COX7B2: variants seen among roughly 807,000 people sequenced by gnomAD.
COX7B2 encodes cytochrome c oxidase subunit 7B2, mitochondrial.
For missense variants in COX7B2, 109 were observed against 95.9 expected, an observed-to-expected ratio of 1.14 and a Z score of -0.57; for synonymous variants, 37 against 32.1, an observed-to-expected ratio of 1.15 and a Z score of -0.51.
chr4:46,766,915 A>G (rs796141755), intron 2 of COX7B2, among the ~76,000 whole-genome samples: 4 of 152,330 alleles, frequency 2.6e-5, no homozygotes, highest in African/African-American at 9.6e-5. Flanking sequence ...AAATTATCAC[A>G]TCATACGGGA....
intron 2 of COX7B2, among the ~76,000 whole-genome samples, chr4:46,829,001 A>T (rs892877312): frequency 2.0e-5 from 3 of 152,272 alleles, no homozygotes; most frequent in African/African-American, 7.2e-5. Context: ...TATGTGAACT[A>T]TTATTACTCC....
intron 2 of COX7B2, among the ~76,000 whole-genome samples, chr4:46,760,692 G>T (rs1716096284): frequency 6.6e-6 from 1 of 151,866 alleles, no homozygotes; most frequent in Admixed American, 6.6e-5. Context: ...ATGTACCCCA[G>T]AACTTATAGT....
chr4:46,853,037 T>C (rs1198736934), intron 1 of COX7B2, among the ~76,000 whole-genome samples: 2 of 152,092 alleles, frequency 1.3e-5, no homozygotes, highest in Non-Finnish European at 2.9e-5. Flanking sequence ...TAGTAATGAG[T>C]CAGCAATATG....
At chr4:46,891,274 G>T (rs1412229340) in intron 1 of COX7B2, among the ~76,000 whole-genome samples, 3 of 152,182 alleles carry the variant, frequency 2.0e-5, no homozygotes, top group Non-Finnish European at 2.9e-5. Context: ...CCAAGGGAAA[G>T]ATTCAAGGAA....
intron 2 of COX7B2, among the ~76,000 whole-genome samples, chr4:46,747,706 T>G (rs1715108692): frequency 6.6e-6 from 1 of 152,144 alleles, no homozygotes; most frequent in Non-Finnish European, 1.5e-5. Context: ...CCATATATAA[T>G]CAAGAGAATC....
rs557777216 is a variant in COX7B2, at chr4:46,892,210, T to C, written c.-105+16950A>G. ...ACCGGGGCCACTGGTACCACTGTTATAGATTATGGTATAGACTAAAAAGAA... is the reference window on the plus strand; with the variant it reads ...ACCGGGGCCACTGGTACCACTGTTACAGATTATGGTATAGACTAAAAAGAA... On this transcript the variant is annotated intron_variant, in intron 1 of 2. Transcript: ENST00000355591. Among the ~76,000 whole-genome samples, 8 of 152,332 alleles carry C rather than the reference T, an allele frequency of 5.3e-5. No homozygotes were observed. In the South Asian group the frequency reaches 1.7e-3, roughly 32 times the overall value.
intron 2 of COX7B2, among the ~76,000 whole-genome samples, chr4:46,843,498 A>C (rs890711356): frequency 1.3e-5 from 2 of 151,990 alleles, no homozygotes; most frequent in Non-Finnish European, 2.9e-5. Flanking sequence ...AGGTCTACTA[A>C]GGCAGATTCA....
At chr4:46,770,552 C>T (rs1334914539) in intron 2 of COX7B2, among the ~76,000 whole-genome samples, 6 of 151,988 alleles carry the variant, frequency 3.9e-5, no homozygotes, top group Admixed American at 3.3e-4. Flanking sequence ...CTGGACGCAT[C>T]ACACTACCTG....
At chr4:46,795,139 T>C (rs1718257620) in intron 2 of COX7B2, among the ~76,000 whole-genome samples, 2 of 133,200 alleles carry the variant, frequency 1.5e-5, no homozygotes. Flanking sequence ...TTTTCTCCCA[T>C]GTTGTAGGTT....
intron 2 of COX7B2, among the ~76,000 whole-genome samples, chr4:46,778,333 T>A (rs1717267575): frequency 6.6e-6 from 1 of 152,104 alleles, no homozygotes; most frequent in Non-Finnish European, 1.5e-5. Context: ...ACTCATTAAT[T>A]TTCCTTTTTC....
intron 2 of COX7B2, among the ~76,000 whole-genome samples, chr4:46,797,053 T>A (rs1319697188): frequency 1.2e-5 from 1 of 84,764 alleles, no homozygotes; most frequent in Non-Finnish European, 1.9e-5. Context: ...GTAACTAACC[T>A]GCACAATGTG....
chr4:46,827,589 C>G (rs1042361617), intron 2 of COX7B2, among the ~76,000 whole-genome samples: 3 of 152,106 alleles, frequency 2.0e-5, no homozygotes, highest in Non-Finnish European at 4.4e-5. Flanking sequence ...GAAATAAAAA[C>G]CTTTTGTGTC....
intron 2 of COX7B2, among the ~76,000 whole-genome samples, chr4:46,805,046 C>T (rs1409799126): frequency 3.3e-5 from 5 of 152,202 alleles, no homozygotes; most frequent in African/African-American, 1.2e-4. Context: ...GTGCTAACCT[C>T]TCACTGCCTG....
chr4:46,807,532 T>C (rs1278504807), intron 2 of COX7B2, among the ~76,000 whole-genome samples: 1 of 151,906 alleles, frequency 6.6e-6, no homozygotes, highest in Non-Finnish European at 1.5e-5. Context: ...ATTTATTTTA[T>C]TTTTGTTTTT....
intron 1 of COX7B2, among the ~76,000 whole-genome samples, chr4:46,891,734 G>T (rs1719440065): frequency 6.6e-6 from 1 of 152,088 alleles, no homozygotes; most frequent in Non-Finnish European, 1.5e-5. Flanking sequence ...TCAAACCTGT[G>T]TCACTAGGCA....
At chr4:46,879,895 G>A (rs1014540521) in intron 1 of COX7B2, among the ~76,000 whole-genome samples, 1 of 152,158 alleles carries the variant, frequency 6.6e-6, no homozygotes, top group Non-Finnish European at 1.5e-5. Flanking sequence ...CTGTATTAAT[G>A]AGAACTCACA....
intron 2 of COX7B2, among the ~76,000 whole-genome samples, chr4:46,805,687 A>T (rs981788120): frequency 6.6e-6 from 1 of 152,122 alleles, no homozygotes; most frequent in Non-Finnish European, 1.5e-5. Context: ...TTGGTTCTTC[A>T]TTCATCTTCA....
chr4:46,825,237 A>G (rs1169568958), intron 2 of COX7B2, among the ~76,000 whole-genome samples: 1 of 152,132 alleles, frequency 6.6e-6, no homozygotes, highest in African/African-American at 2.4e-5. Context: ...TACACCAATG[A>G]CAGCCAAACC....
chr4:46,825,265 G>T (rs1208018265), intron 2 of COX7B2, among the ~76,000 whole-genome samples: 1 of 151,540 alleles, frequency 6.6e-6, no homozygotes, highest in Non-Finnish European at 1.5e-5. Context: ...ACATCAGAAA[G>T]GCAATCCCAT....
Sources: allele counts gnomAD v4.1 joint callset (sites outside exome capture counted in the v4.1 genomes callset), GRCh38; gene constraint gnomAD v4.1.1; transcripts MANE v1.5; gene names NCBI Gene and HGNC (gene_info 2026-07-23, HGNC 2026-07-21).